The following MYLK variants were observed in gnomAD, a reference collection of about 807,000 sequenced individuals.
MYLK encodes the protein myosin light chain kinase, smooth muscle.
Under a neutral mutation model 203.4 loss-of-function variants are expected in MYLK, and 106 were observed. The observed-to-expected ratio is 0.52, with a 90% CI of 0.45 to 0.61. The LOEUF is 0.61. MYLK is among the 20% of genes least tolerant of loss of function. The pLI is 0.00. For synonymous variants in MYLK, 867 were observed against 959.5 expected (o/e 0.90, Z 1.78); for missense variants, 2,072 against 2,442.3 (o/e 0.85, Z 3.20).
At chr3:123,802,999 C>T (rs778410013) in intron 3 of MYLK, among the ~76,000 whole-genome samples, 1 of 141,204 alleles carries the variant, frequency 7.1e-6, no homozygotes, top group African/African-American at 2.7e-5. Flanking sequence ...GTGTTTTAAA[C>T]CCTATGAGAT....
intron 3 of MYLK, among the ~76,000 whole-genome samples, chr3:123,804,095 T>C (rs1257353696): frequency 6.6e-6 from 1 of 152,208 alleles, no homozygotes; most frequent in African/African-American, 2.4e-5. Flanking sequence ...GCAAAATTAA[T>C]GGGGCAGGAT....
At chr3:123,870,765 C>T (rs886492245) in intron 2 of MYLK, among the ~76,000 whole-genome samples, 19 of 152,336 alleles carry the variant, frequency 1.2e-4, no homozygotes, top group Non-Finnish European at 2.2e-4. Flanking sequence ...CAGCTCCTTC[C>T]GTGCTCCAAT....
intron 20 of MYLK, among the ~76,000 whole-genome samples, chr3:123,675,268 T>C (rs181919352): frequency 1.3e-5 from 2 of 152,202 alleles, no homozygotes; most frequent in Non-Finnish European, 2.9e-5. Flanking sequence ...AATCAAAGCA[T>C]TGGATCTGGA....
In MYLK at chr3:123,657,440, G is replaced by T; in HGVS notation, c.3986-12C>A. On this transcript the variant is annotated splice_polypyrimidine_tract_variant and intron_variant, in intron 23 of 33. Transcript: ENST00000360304. ...GGGGTCTGGCTTATCTGGGGATAAA[G>T]AAGCACAACATCACCCACACTTTCC... The T allele has an allele frequency of 6.2e-7, 1 of 1,612,592 alleles. No individual in the cohort carries two copies. Among genetic ancestry groups the T allele is most frequent in the Non-Finnish European group, 8.5e-7 (1 of 1,179,884 alleles).
chr3:123,647,271 A>G lies in MYLK; in HGVS notation c.4572T>C (p.Cys1524=). ...TGGCCTTTTCTTCAAAGGCATCCAC[A>G]CACTGGACCAGCTTAGGGTGGTGGA... ...NCLHHPKLVQ[C]VDAFEEKANI... Residue 1524 remains cysteine, a synonymous_variant, in exon 27 of 34, where the codon TGT becomes TGC. Transcript: ENST00000360304. 1.9e-6 allele frequency: 3 copies of G among 1,614,260 alleles called. No homozygotes were observed. The highest frequency in any genetic ancestry group is 2.5e-6 in the Non-Finnish European group (3 of 1,180,042).
chr3:123,867,447 G>A (rs1390709739), intron 2 of MYLK, among the ~76,000 whole-genome samples: 3 of 151,482 alleles, frequency 2.0e-5, no homozygotes, highest in Non-Finnish European at 4.4e-5. Flanking sequence ...AAAACCAGGA[G>A]GAAATTTGGA....
chr3:123,770,380 G>A (rs1254258896), intron 4 of MYLK, among the ~76,000 whole-genome samples: 1 of 152,198 alleles, frequency 6.6e-6, no homozygotes, highest in African/African-American at 2.4e-5. Flanking sequence ...AATAAGTCTT[G>A]TGAAGGTTCT....
intron 13 of MYLK, among the ~76,000 whole-genome samples, chr3:123,720,407 G>A (rs531400255): frequency 1.3e-5 from 2 of 151,924 alleles, no homozygotes; most frequent in Non-Finnish European, 2.9e-5. Flanking sequence ...TGGCTGTGGA[G>A]GGAGTATCAG....
At chr3:123,697,789 T>A (rs1246986827) in intron 18 of MYLK, among the ~76,000 whole-genome samples, 1 of 152,210 alleles carries the variant, frequency 6.6e-6, no homozygotes, top group Non-Finnish European at 1.5e-5. Flanking sequence ...GATTTGGGGC[T>A]CTCTCTGGAA....
At chr3:123,767,774 G>T (rs892929909) in intron 4 of MYLK, among the ~76,000 whole-genome samples, 2 of 152,228 alleles carry the variant, frequency 1.3e-5, no homozygotes, top group Non-Finnish European at 2.9e-5. Flanking sequence ...GTGACAGGAA[G>T]TACTTGCTAA....
intron 11 of MYLK, among the ~76,000 whole-genome samples, chr3:123,729,533 A>G (rs1014218417): frequency 2.0e-5 from 3 of 152,240 alleles, no homozygotes; most frequent in Non-Finnish European, 4.4e-5. Flanking sequence ...ACAAATGTCC[A>G]ATAAGTATAT....
Position 123,654,210 on chromosome 3 carries a change from C to T in MYLK, c.4288+2916G>A, listed in dbSNP as rs544952819. Among the ~76,000 whole-genome samples the T allele has an allele frequency of 4.6e-5, 7 of 152,252 alleles. No homozygotes were observed. In the South Asian group the frequency reaches 6.2e-4, roughly 14 times the overall value. ...TTGACATGGCTCAACGGGTAAAGGC[C>T]GCCTGACACACAGCTGCTAGCATAA... On this transcript the variant is annotated intron_variant, in intron 24 of 33. Coordinates refer to ENST00000360304, the MANE Select transcript of MYLK (RefSeq NM_053025.4).
rs1232868351 is a variant in MYLK at position 123,642,101 on chromosome 3, C to T, written c.4620-1597G>A. Among the ~76,000 whole-genome samples the T allele has an allele frequency of 6.6e-6, 1 of 152,050 alleles. No individual in the cohort carries two copies. The highest frequency in any genetic ancestry group is 1.5e-5 in the Non-Finnish European group (1 of 68,022). Reference sequence around the variant, plus strand: ...CATGTTTCTGCAGTGGCCTGTAGGTCCACCAGTTGAACAAGGCCGGGTGGG... The same window carrying T: ...CATGTTTCTGCAGTGGCCTGTAGGTTCACCAGTTGAACAAGGCCGGGTGGG... On this transcript the variant is annotated intron_variant, in intron 27 of 33. Coordinates refer to ENST00000360304, the MANE Select transcript of MYLK (RefSeq NM_053025.4). The surrounding 1 kb of genome is among the most constrained non-coding windows in gnomAD (Gnocchi z 4.2).
At chr3:123,873,163 A>C (rs566808872) in intron 2 of MYLK, among the ~76,000 whole-genome samples, 260 of 152,340 alleles carry the variant, frequency 1.7e-3, no homozygotes, top group African/African-American at 5.0e-3. Flanking sequence ...CCTTTGTGAA[A>C]AAGTTTGCCA....
chr3:123,859,131 G>A (rs2031672557), intron 2 of MYLK, among the ~76,000 whole-genome samples: 1 of 152,080 alleles, frequency 6.6e-6, no homozygotes, highest in Non-Finnish European at 1.5e-5. Context: ...TAAAAAACAG[G>A]GAAAAATTAT....
intron 30 of MYLK, among the ~76,000 whole-genome samples, chr3:123,627,443 C>G (rs1455791876): frequency 6.6e-6 from 1 of 152,218 alleles, no homozygotes. Flanking sequence ...TTTTCCATTA[C>G]AACTCAAAGA....
chr3:123,866,515 A>G (rs190206348), intron 2 of MYLK, among the ~76,000 whole-genome samples: 26 of 152,230 alleles, frequency 1.7e-4, no homozygotes, highest in African/African-American at 4.8e-5. Context: ...AGGAAAATAC[A>G]TAAAATGTAA....
intron 11 of MYLK, among the ~76,000 whole-genome samples, chr3:123,726,320 T>C (rs1221642529): frequency 6.6e-6 from 1 of 152,188 alleles, no homozygotes; most frequent in African/African-American, 2.4e-5. Context: ...ACCCTAGCCC[T>C]GGGGTGCTTA....
chr3:123,659,759 T>A (rs769088873), intron 23 of MYLK: 6 of 506,298 alleles, frequency 1.2e-5, no homozygotes, highest in African/African-American at 1.2e-4. Flanking sequence ...ACACTCAGAC[T>A]GGGAGGGAGA....
Sources: gnomAD v4.1 joint callset for allele counts (sites outside exome capture counted in the v4.1 genomes callset) on GRCh38, gnomAD v4.1.1 for gene constraint, Gnocchi (gnomAD v3.1) non-coding constraint, MANE v1.5 for transcripts, NCBI Gene and HGNC (gene_info 2026-07-23, HGNC 2026-07-21) for gene names.